SRPK2: variants seen among roughly 807,000 people sequenced by gnomAD.
SRPK2 encodes SFRS protein kinase 2.
A neutral mutation model predicts 90.8 loss-of-function variants in SRPK2; 21 were observed. The ratio of observed to expected loss-of-function variants is 0.23; its 90% CI spans 0.16 to 0.33. The LOEUF is 0.33. Among genes scored for constraint, SRPK2 ranks in the 10% least tolerant of loss-of-function variants. The pLI, the probability that SRPK2 is intolerant of heterozygous loss-of-function variation, is 1.00. For synonymous variants in SRPK2, 288 were observed against 311.1 expected (o/e 0.93, Z 0.78); for missense variants, 620 against 869.0 (o/e 0.71, Z 3.60).
intron 11 of SRPK2, among the ~76,000 whole-genome samples, chr7:105,137,546 G>A (rs1378039354): frequency 6.6e-6 from 1 of 152,130 alleles, no homozygotes; most frequent in Admixed American, 6.5e-5. Context: ...ACACAGAAAG[G>A]ATTCCAGAAA....
intron 15 of SRPK2, among the ~76,000 whole-genome samples, chr7:105,124,409 G>C (rs1478946888): frequency 6.6e-6 from 1 of 152,050 alleles, no homozygotes; most frequent in African/African-American, 2.4e-5. Context: ...GGGAGGCCGA[G>C]GTGGGTGGAT....
chr7:105,245,307 G>A (rs531610161), intron 2 of SRPK2, among the ~76,000 whole-genome samples: 17 of 152,288 alleles, frequency 1.1e-4, no homozygotes, highest in Non-Finnish European at 1.6e-4. Flanking sequence ...GGTAAGGGCA[G>A]CGTGCAGGGG....
chr7:105,170,894 A>AAAG (rs1790878668), intron 3 of SRPK2, among the ~76,000 whole-genome samples: 17 of 102,966 alleles, frequency 1.7e-4, no homozygotes, highest in Admixed American at 7.5e-4. Flanking sequence ...AAAGAAAGAA[A>AAAG]GAAAGAAAGA....
chr7:105,286,302 G>A (rs1808095018), intron 2 of SRPK2, among the ~76,000 whole-genome samples: 2 of 152,122 alleles, frequency 1.3e-5, no homozygotes, highest in South Asian at 4.1e-4. Context: ...TTATAATCTT[G>A]CTGCTCCATC....
intron 11 of SRPK2, among the ~76,000 whole-genome samples, chr7:105,137,883 G>T (rs1803114034): frequency 6.6e-6 from 1 of 152,156 alleles, no homozygotes; most frequent in Non-Finnish European, 1.5e-5. Flanking sequence ...GTGGTCAAGT[G>T]CAAGACTCTA....
At chr7:105,360,479 T>C (rs1818301835) in intron 2 of SRPK2, among the ~76,000 whole-genome samples, 2 of 152,242 alleles carry the variant, frequency 1.3e-5, no homozygotes, top group Admixed American at 1.3e-4. Context: ...ATCGATGGTC[T>C]TTACAATTTT....
chr7:105,174,255 A>ACTCC (rs1585051822), intron 3 of SRPK2, among the ~76,000 whole-genome samples: 1 of 152,116 alleles, frequency 6.6e-6, no homozygotes, highest in East Asian at 1.9e-4. Flanking sequence ...CAAAGAAGAA[A>ACTCC]ATTTTAAAAC....
At chr7:105,247,345 T>G (rs926467386) in intron 2 of SRPK2, among the ~76,000 whole-genome samples, 1 of 152,160 alleles carries the variant, frequency 6.6e-6, no homozygotes, top group East Asian at 1.9e-4. Context: ...TTAATAATAT[T>G]GTTATGAGGA....
chr7:105,283,663 G>A (rs1432306972), intron 2 of SRPK2, among the ~76,000 whole-genome samples: 2 of 152,152 alleles, frequency 1.3e-5, no homozygotes, highest in Admixed American at 6.5e-5. Flanking sequence ...TTGAGGTGAT[G>A]AAAATGTTCT....
chr7:105,366,649 G>A (rs28823350), intron 2 of SRPK2, among the ~76,000 whole-genome samples: 27,441 of 151,992 alleles, frequency 0.18, 3,141 homozygotes, highest in East Asian at 0.58. Context: ...GATTACAGGC[G>A]TGAGCCACCA....
At chr7:105,388,191 A>ACTCGGCCCCTCCGCCTC (rs1821858345) in intron 2 of SRPK2, among the ~76,000 whole-genome samples, 1 of 151,656 alleles carries the variant, frequency 6.6e-6, no homozygotes, top group Non-Finnish European at 1.5e-5. Context: ...CCTCCCGCAC[A>ACTCGGCCCCTCCGCCTC]CTCGGCCCCT....
rs117353132 is a variant in SRPK2 at position 105,285,835 on chromosome 7, C to T, written c.72-82050G>A. 2.8e-3 allele frequency among the ~76,000 whole-genome samples: 428 copies of T among 152,234 alleles called. 11 individuals are homozygous for T. The East Asian group carries it at 0.055, about 20-fold the overall frequency. On this transcript the variant is annotated intron_variant, in intron 2 of 15. Transcript: ENST00000393651. The stretch of plus-strand genomic sequence containing the variant: ...CATGCTTGTAAAGCCTGCAGAACCG[C>T]GAGCCAATTAAACCTCTTTTCTTTA...
At chr7:105,353,196 C>G (rs1200651727) in intron 2 of SRPK2, among the ~76,000 whole-genome samples, 1 of 152,196 alleles carries the variant, frequency 6.6e-6, no homozygotes, top group African/African-American at 2.4e-5. Context: ...CAGTTGTAAG[C>G]TTCGACTTGG....
At chr7:105,125,955 C>T (rs932772288) in intron 15 of SRPK2, 9 of 745,376 alleles carry the variant, frequency 1.2e-5, no homozygotes, top group South Asian at 1.7e-5. Context: ...TACCACCGCC[C>T]GCGCAGACAG....
At chr7:105,177,935 A>G (rs1234240141) in intron 3 of SRPK2, among the ~76,000 whole-genome samples, 1 of 151,612 alleles carries the variant, frequency 6.6e-6, no homozygotes, top group Non-Finnish European at 1.5e-5. Context: ...AGGCTGAGGC[A>G]GGAGAACGGC....
chr7:105,347,994 CA>C (rs1202603102), intron 2 of SRPK2, among the ~76,000 whole-genome samples: 9 of 149,054 alleles, frequency 6.0e-5, no homozygotes, highest in African/African-American at 1.7e-4. Flanking sequence ...AAACAGAAAT[CA>C]AAATGTTTTC....
At chr7:105,314,070 C>T (rs760308549) in intron 2 of SRPK2, among the ~76,000 whole-genome samples, 26 of 151,986 alleles carry the variant, frequency 1.7e-4, no homozygotes, top group Non-Finnish European at 3.4e-4. Flanking sequence ...ACCAGTTGGG[C>T]GTGGTGGTTC....
intron 2 of SRPK2, among the ~76,000 whole-genome samples, chr7:105,289,114 A>AAG (rs1454974516): frequency 2.0e-5 from 3 of 150,346 alleles, no homozygotes; most frequent in Non-Finnish European, 3.0e-5. Flanking sequence ...AAAAAAAAAA[A>AAG]AAAAAAAAAA....
At chr7:105,358,121 G>A (rs1021793901) in intron 2 of SRPK2, among the ~76,000 whole-genome samples, 4 of 151,666 alleles carry the variant, frequency 2.6e-5, no homozygotes, top group African/African-American at 9.7e-5. Flanking sequence ...CTACTCAAGA[G>A]GCTGAGGCAG....
Sources: gnomAD v4.1 joint callset for allele counts (sites outside exome capture counted in the v4.1 genomes callset) on GRCh38, gnomAD v4.1.1 for gene constraint, MANE v1.5 for transcripts, NCBI Gene and HGNC (gene_info 2026-07-23, HGNC 2026-07-21) for gene names.